ALDH1A1: variants seen among roughly 807,000 people sequenced by gnomAD.
ALDH1A1 encodes aldehyde dehydrogenase 1 family member A1, also known as aldehyde dehydrogenase 1A1.
A neutral mutation model predicts 62.1 loss-of-function variants in ALDH1A1; 19 were observed. The ratio of observed to expected loss-of-function variants is 0.31; its 90% CI spans 0.21 to 0.45. ALDH1A1 has a LOEUF of 0.45. Among genes scored for constraint, ALDH1A1 ranks in the 20% least tolerant of loss-of-function variants. The pLI is 1.00. For missense variants in ALDH1A1, 521 were observed against 607.1 expected, an observed-to-expected ratio of 0.86 and a Z score of 1.49; for synonymous variants, 231 against 215.9, an observed-to-expected ratio of 1.07 and a Z score of -0.61.
intron 11 of ALDH1A1, among the ~76,000 whole-genome samples, chr9:72,908,525 AAGAAAGAAAGAAAG>A (rs1216492886): frequency 7.0e-6 from 1 of 143,070 alleles, no homozygotes; most frequent in Non-Finnish European, 1.5e-5. Context: ...GAAAGAAAGA[AAGAAAGAAAGAAAG>A]AAAGAAAAGA....
Position 72,901,176 on chromosome 9 carries a change from T to C in ALDH1A1, c.*32A>G, listed in dbSNP as rs1237468848. ...GTGACTGTAAGGAGATGCTTAGCTA[T>C]TGAAGAGCTTCTCTCCACTCTTGTA... On this transcript the variant is annotated 3_prime_UTR_variant, in exon 13 of 13. Transcript: ENST00000297785. 4.0e-6 allele frequency: 6 copies of C among 1,510,388 alleles called. No individual in the cohort carries two copies. The highest frequency in any genetic ancestry group is 5.5e-6 in the Non-Finnish European group (6 of 1,088,202). The allele number at this position is 1,510,388 out of a possible 1,614,324, so 93.6% of individuals were successfully genotyped here.
At chr9:72,923,958 A>G in intron 7 of ALDH1A1, 61 bp downstream of exon 7, 1 of 1,166,126 alleles carries the variant, frequency 8.6e-7, no homozygotes. Flanking sequence ...GTTACATAAA[A>G]CATACTTCAT....
rs760656006 is a variant in ALDH1A1 at position 72,912,135 on chromosome 9, T to C, written c.1036-13A>G. ...GTTCCTTGTCAATCTATTTGAAAAA[T>C]ATCACATGAAAAGAAAAAAAGTAGT... On this transcript the variant is annotated splice_polypyrimidine_tract_variant and intron_variant, in intron 9 of 12. Transcript: ENST00000297785. 11 of 1,604,758 alleles carry C rather than the reference T, an allele frequency of 6.9e-6. No individual in the cohort carries two copies. Among genetic ancestry groups the C allele is most frequent in the Non-Finnish European group, 5.1e-6 (6 of 1,174,644 alleles).
At position 72,937,728 on chromosome 9, in the gene ALDH1A1, G is replaced by A. The variant is rs998628980; in HGVS notation, c.171+2420C>T. Reference sequence around the variant, plus strand: ...AAGTCTTAAGTTAATGCGGTGGCCTGGGAAAGAGGCCATAAACAAAGGTTG... The same window carrying A: ...AAGTCTTAAGTTAATGCGGTGGCCTAGGAAAGAGGCCATAAACAAAGGTTG... On this transcript the variant is annotated intron_variant, in intron 2 of 12. Transcript: ENST00000297785. 2.0e-4 allele frequency among the ~76,000 whole-genome samples: 30 copies of A among 152,258 alleles called. No homozygotes were observed. The East Asian group carries it at 5.0e-3, about 25-fold the overall frequency.
At chr9:72,928,043 T>C (rs927241676) in intron 4 of ALDH1A1, among the ~76,000 whole-genome samples, 1 of 57,364 alleles carries the variant, frequency 1.7e-5, no homozygotes, top group Non-Finnish European at 5.2e-5. Flanking sequence ...CGGAGTAAAG[T>C]AGGACAGTTC....
intron 12 of ALDH1A1, among the ~76,000 whole-genome samples, chr9:72,904,369 T>C (rs1178533697): frequency 6.6e-6 from 1 of 152,120 alleles, no homozygotes; most frequent in Non-Finnish European, 1.5e-5. Context: ...GTATCATATG[T>C]TACTCTGAAA....
At chr9:72,909,519 A>C in intron 11 of ALDH1A1, 83 bp downstream of exon 11, 1 of 1,323,048 alleles carries the variant, frequency 7.6e-7, no homozygotes, top group Non-Finnish European at 1.0e-6. Context: ...CCAAATGAAA[A>C]ATCCAAGTCT....
rs772090925 is a variant in ALDH1A1 at position 72,912,048 on chromosome 9, A to C, written c.1110T>G (p.Cys370Trp). 23 of 1,613,764 alleles carry C rather than the reference A, an allele frequency of 1.4e-5. No homozygotes were observed. In the East Asian group the frequency reaches 5.1e-4, roughly 36 times the overall value. Residue 370 changes from cysteine (C) to tryptophan (W), a missense_variant, in exon 10 of 13, where the codon TGT becomes TGG. Transcript: ENST00000297785. ...CTTTATTCCCCCACGGGCCTCCTCC[A>C]CATTCCAGTTTGGCCCCTTCTTTCT... ...SGKKEGAKLE[C>W]GGGPWGNKGY...
chr9:72,903,555 A>G (rs1829833599), intron 12 of ALDH1A1, among the ~76,000 whole-genome samples: 1 of 151,772 alleles, frequency 6.6e-6, no homozygotes, highest in Non-Finnish European at 1.5e-5. Flanking sequence ...AAATTCACCA[A>G]ATTTGGTTTC....
intron 10 of ALDH1A1, among the ~76,000 whole-genome samples, chr9:72,911,255 GA>G (rs1406191358): frequency 1.3e-4 from 20 of 152,228 alleles, no homozygotes; most frequent in African/African-American, 4.8e-4. Flanking sequence ...GGGAGTGATA[GA>G]GGGGATGAAT....
At chr9:72,947,774 C>T (rs549468089) in intron 1 of ALDH1A1, among the ~76,000 whole-genome samples, 1 of 152,008 alleles carries the variant, frequency 6.6e-6, no homozygotes, top group African/African-American at 2.4e-5. Context: ...GACCTTAAGT[C>T]AGTCATGATC....
rs1341626728 is a variant in ALDH1A1 at position 72,940,249 on chromosome 9, A to G, written c.70T>C (p.Phe24Leu). The change falls in exon 2 of 13, where the codon TTC (phenylalanine) becomes CTC (leucine). Residue 24 changes from phenylalanine (F) to leucine (L), a missense_variant. Transcript: ENST00000297785. Reference sequence around the variant, plus strand: ...GAATCATGCCATTCATTGTTTATGAAGATCTGTAGAGATGAAGAGAAAATA... The same window carrying G: ...GAATCATGCCATTCATTGTTTATGAGGATCTGTAGAGATGAAGAGAAAATA... ...TDLKIQYTKI[F>L]INNEWHDSVS... is the part of the protein sequence containing the mutation. The G allele has an allele frequency of 3.7e-6, 6 of 1,610,532 alleles. No individual in the cohort carries two copies. The highest frequency in any genetic ancestry group is 5.1e-6 in the Non-Finnish European group (6 of 1,177,218).
intron 1 of ALDH1A1, among the ~76,000 whole-genome samples, chr9:72,941,011 G>C (rs993088737): frequency 6.6e-6 from 1 of 152,084 alleles, no homozygotes; most frequent in Non-Finnish European, 1.5e-5. Flanking sequence ...CACTGAATTT[G>C]TCTTTTCTTG....
intron 12 of ALDH1A1, among the ~76,000 whole-genome samples, chr9:72,903,651 G>A (rs1829835767): frequency 6.7e-6 from 1 of 149,952 alleles, no homozygotes; most frequent in African/African-American, 2.4e-5. Context: ...GTATTTGAAA[G>A]AAATTATCTA....
chr9:72,914,833 G>T (rs1830040319), intron 9 of ALDH1A1, among the ~76,000 whole-genome samples: 1 of 151,632 alleles, frequency 6.6e-6, no homozygotes, highest in Non-Finnish European at 1.5e-5. Flanking sequence ...AAATCGTTTT[G>T]ACCATTATTT....
At chr9:72,930,319 T>A (rs1022017575) in intron 3 of ALDH1A1, among the ~76,000 whole-genome samples, 3 of 152,208 alleles carry the variant, frequency 2.0e-5, no homozygotes, top group African/African-American at 4.8e-5. Context: ...GGATTTTTTT[T>A]ATTTTTTGCC....
chr9:72,901,416 T>C (rs1829801993), intron 12 of ALDH1A1, 136 bp from the exon 13 acceptor site: 3 of 523,832 alleles, frequency 5.7e-6, no homozygotes, highest in Non-Finnish European at 1.0e-5. Context: ...GTACAGAGCA[T>C]TTTATATAGT....
At chr9:72,940,931 G>T (rs536440024) in intron 1 of ALDH1A1, among the ~76,000 whole-genome samples, 1 of 152,240 alleles carries the variant, frequency 6.6e-6, no homozygotes, top group East Asian at 1.9e-4. Flanking sequence ...TTGTCTGTGT[G>T]TACTATAAAA....
chr9:72,949,287 A>G (rs1204511480), intron 1 of ALDH1A1, among the ~76,000 whole-genome samples: 1 of 151,876 alleles, frequency 6.6e-6, no homozygotes, highest in Non-Finnish European at 1.5e-5. Flanking sequence ...TGGCCTGGGA[A>G]CAGCTGAGCA....
Sources: gnomAD v4.1 joint callset for allele counts (sites outside exome capture counted in the v4.1 genomes callset) on GRCh38, gnomAD v4.1.1 for gene constraint, MANE v1.5 for transcripts, NCBI Gene and HGNC (gene_info 2026-07-23, HGNC 2026-07-21) for gene names.